TENM3: variants seen among roughly 807,000 people sequenced by gnomAD.
TENM3 encodes teneurin transmembrane protein 3.
A neutral mutation model predicts 255.1 loss-of-function variants in TENM3; 63 were observed. That is an observed-to-expected ratio of 0.25 (90% confidence interval 0.20 to 0.30). TENM3 has a LOEUF of 0.30. Among genes scored for constraint, TENM3 ranks in the 10% least tolerant of loss-of-function variants. The probability of loss-of-function intolerance (pLI) is 1.00; values close to 1 mark genes in which losing one functional copy is unlikely to be tolerated. For synonymous variants in TENM3, 1,306 were observed against 1,322.3 expected (o/e 0.99, Z 0.27); for missense variants, 2,929 against 3,461.1 (o/e 0.85, Z 3.86).
chr4:182,362,965 A>C (rs1766133078), intron 3 of TENM3, among the ~76,000 whole-genome samples: 1 of 152,190 alleles, frequency 6.6e-6, no homozygotes, highest in Non-Finnish European at 1.5e-5. Flanking sequence ...TTTTCTGAAA[A>C]AGATACCTTT....
At chr4:182,206,873 T>C (rs1364203384) in intron 1 of TENM3, among the ~76,000 whole-genome samples, 1 of 152,164 alleles carries the variant, frequency 6.6e-6, no homozygotes, top group African/African-American at 2.4e-5. Context: ...AAATTCCCGT[T>C]CTTTCTTTCT....
the TENM3 span, among the ~76,000 whole-genome samples, chr4:181,477,907 A>G: frequency 6.6e-6 from 1 of 152,064 alleles, no homozygotes. Flanking sequence ...AGATTTTTAA[A>G]TGGCCTTACC....
At chr4:182,078,834 G>A in the TENM3 span, among the ~76,000 whole-genome samples, 2 of 152,156 alleles carry the variant, frequency 1.3e-5, no homozygotes, top group African/African-American at 4.8e-5. Context: ...ATTAGTGGTG[G>A]AAATGAATGG....
the TENM3 span, among the ~76,000 whole-genome samples, chr4:181,884,076 G>A: frequency 1.6e-3 from 246 of 152,154 alleles, 1 homozygote; most frequent in South Asian, 0.012. Context: ...TTATTTACAT[G>A]GAACTCTAGA....
the TENM3 span, among the ~76,000 whole-genome samples, chr4:182,108,541 T>C: frequency 6.6e-6 from 1 of 152,274 alleles, no homozygotes; most frequent in East Asian, 1.9e-4. Flanking sequence ...TCTACACTAA[T>C]CTAAGCATTT....
chr4:182,238,092 A>G (rs1321395666), intron 1 of TENM3, among the ~76,000 whole-genome samples: 1 of 152,204 alleles, frequency 6.6e-6, no homozygotes, highest in Admixed American at 6.5e-5. Flanking sequence ...ACAATGAATA[A>G]ATGAAGGAGT....
the TENM3 span, among the ~76,000 whole-genome samples, chr4:181,742,743 G>A: frequency 3.3e-5 from 5 of 151,726 alleles, no homozygotes; most frequent in East Asian, 1.9e-4. Context: ...AGCTACATAC[G>A]TATACATGTG....
At chr4:181,460,923 A>T in the TENM3 span, among the ~76,000 whole-genome samples, 1 of 151,886 alleles carries the variant, frequency 6.6e-6, no homozygotes, top group Admixed American at 6.6e-5. Flanking sequence ...GAGATTAAAA[A>T]TTTTTAAGTT....
At chr4:181,728,827 GGA>G in the TENM3 span, among the ~76,000 whole-genome samples, 3 of 152,244 alleles carry the variant, frequency 2.0e-5, no homozygotes, top group African/African-American at 7.2e-5. Flanking sequence ...TTTTCAAGAT[GGA>G]GTCGCTCTGG....
intron 1 of TENM3, among the ~76,000 whole-genome samples, chr4:182,215,029 C>G (rs906230210): frequency 6.6e-6 from 1 of 152,130 alleles, no homozygotes; most frequent in Non-Finnish European, 1.5e-5. Flanking sequence ...CTGCAAGACC[C>G]TAGTCATTTC....
chr4:182,412,217 C>A (rs1580452562), intron 3 of TENM3, among the ~76,000 whole-genome samples: 1 of 152,096 alleles, frequency 6.6e-6, no homozygotes, highest in Non-Finnish European at 1.5e-5. Flanking sequence ...GCAGATACTT[C>A]CAGACTTGGA....
chr4:181,916,028 A>G, the TENM3 span, among the ~76,000 whole-genome samples: 1 of 152,148 alleles, frequency 6.6e-6, no homozygotes, highest in Non-Finnish European at 1.5e-5. Context: ...TAAAATCCGT[A>G]TCAGGCCCCT....
chr4:181,990,882 T>C, the TENM3 span, among the ~76,000 whole-genome samples: 7 of 152,136 alleles, frequency 4.6e-5, no homozygotes, highest in African/African-American at 1.7e-4. Context: ...GCATCACTGA[T>C]AGGAAACAGA....
chr4:182,073,687 G>A, the TENM3 span, among the ~76,000 whole-genome samples: 31 of 152,246 alleles, frequency 2.0e-4, no homozygotes, highest in East Asian at 5.8e-4. Context: ...TAGTCTGTCC[G>A]AAGTCAAAAT....
chr4:181,835,656 T>C, the TENM3 span, among the ~76,000 whole-genome samples: 1 of 152,174 alleles, frequency 6.6e-6, no homozygotes, highest in African/African-American at 2.4e-5. Flanking sequence ...ATCTGACAGG[T>C]CTAATGATCT....
Position 182,513,239 on chromosome 4 carries a change from C to T in TENM3, c.512-87685C>T, listed in dbSNP as rs567263642. On this transcript the variant is annotated intron_variant, in intron 3 of 27. Transcript: ENST00000511685. ...CTATTAAAAGGCAAGTAAGAAAAACCATATTCGTACGGTGAAAGTTTATAC... is the reference window on the plus strand; with the variant it reads ...CTATTAAAAGGCAAGTAAGAAAAACTATATTCGTACGGTGAAAGTTTATAC... Among the ~76,000 whole-genome samples, 12 of 152,110 alleles carry T rather than the reference C, an allele frequency of 7.9e-5. No homozygotes were observed. The East Asian group carries it at 2.3e-3, about 29-fold the overall frequency.
intron 1 of TENM3, among the ~76,000 whole-genome samples, chr4:182,218,367 A>G (rs981442431): frequency 2.0e-5 from 3 of 152,228 alleles, no homozygotes; most frequent in Admixed American, 6.5e-5. Flanking sequence ...AATATATTAT[A>G]TAGGCCTCTG....
chr4:182,619,443 A>G (rs915541284), intron 4 of TENM3, among the ~76,000 whole-genome samples: 1 of 152,066 alleles, frequency 6.6e-6, no homozygotes, highest in African/African-American at 2.4e-5. Flanking sequence ...AAAAAAAACA[A>G]TAGAAGCTAG....
At chr4:181,866,417 G>A in the TENM3 span, among the ~76,000 whole-genome samples, 1 of 152,020 alleles carries the variant, frequency 6.6e-6, no homozygotes, top group East Asian at 1.9e-4. Flanking sequence ...TTGTTTCTTC[G>A]GCATATAATT....
Sources: gnomAD v4.1 joint callset for allele counts (sites outside exome capture counted in the v4.1 genomes callset) on GRCh38, gnomAD v4.1.1 for gene constraint, MANE v1.5 for transcripts, NCBI Gene and HGNC (gene_info 2026-07-23, HGNC 2026-07-21) for gene names.